AOAH: variants seen among roughly 807,000 people sequenced by gnomAD.
The protein encoded by AOAH is acyloxyacyl hydrolase.
A neutral mutation model predicts 92.2 loss-of-function variants in AOAH; 64 were observed. That is an observed-to-expected ratio of 0.69 (90% CI 0.57 to 0.86). The LOEUF (loss-of-function observed/expected upper bound fraction) is 0.86. Ranked by LOEUF, AOAH falls within the 40% of genes least tolerant of loss-of-function variation. The pLI is 0.00. For missense variants in AOAH, 656 were observed against 694.6 expected (o/e 0.94, Z 0.62); for synonymous variants, 263 against 254.5 (o/e 1.03, Z -0.32).
intron 13 of AOAH, among the ~76,000 whole-genome samples, chr7:36,564,286 C>T (rs1003999198): frequency 6.6e-6 from 1 of 152,186 alleles, no homozygotes; most frequent in Non-Finnish European, 1.5e-5. Flanking sequence ...TGTCCAGAGG[C>T]CTCAACTTGC....
chr7:36,660,782 C>T (rs995559965), intron 3 of AOAH, among the ~76,000 whole-genome samples: 34 of 152,090 alleles, frequency 2.2e-4, no homozygotes, highest in African/African-American at 8.0e-4. Context: ...ACTCTTCTTA[C>T]CAAGAAAAGT....
chr7:36,720,565 CTA>C (rs1799556539), intron 1 of AOAH, among the ~76,000 whole-genome samples: 1 of 152,204 alleles, frequency 6.6e-6, no homozygotes, highest in Admixed American at 6.5e-5. Context: ...TGCTTCCAAG[CTA>C]TGAGCCTCTG....
intron 11 of AOAH, chr7:36,600,117 A>G (rs182647780): frequency 2.6e-5 from 4 of 152,340 alleles, no homozygotes; most frequent in Admixed American, 6.5e-5. Flanking sequence ...AAGAGAACTA[A>G]TGCGGGGTTC....
intron 11 of AOAH, among the ~76,000 whole-genome samples, chr7:36,601,431 T>C (rs968498767): frequency 6.6e-6 from 1 of 151,856 alleles, no homozygotes; most frequent in African/African-American, 2.4e-5. Context: ...GGGCACTCTG[T>C]TGGACTCCAT....
intron 2 of AOAH, among the ~76,000 whole-genome samples, chr7:36,685,164 T>A (rs1048226292): frequency 6.6e-6 from 1 of 151,992 alleles, no homozygotes; most frequent in Admixed American, 6.6e-5. Context: ...CCATCCAGAC[T>A]GTGGGAAACT....
intron 13 of AOAH, among the ~76,000 whole-genome samples, chr7:36,566,792 G>A (rs1368582771): frequency 3.3e-5 from 5 of 152,064 alleles, no homozygotes; most frequent in South Asian, 4.1e-4. Flanking sequence ...AATGCCTCAC[G>A]TAAGCATGCG....
rs939648043 is a variant in AOAH, at chr7:36,516,623, T to C, written c.1600-3243A>G. Among the ~76,000 whole-genome samples, 2 of 152,222 alleles carry C rather than the reference T, an allele frequency of 1.3e-5. No homozygotes were observed. The highest frequency in any genetic ancestry group is 1.5e-5 in the Non-Finnish European group (1 of 68,032). ...TCTCTCACACAAAGTGATCAGGACC[T>C]TTGAAGACAGAGGCCCGGGCTTGTG... On this transcript the variant is annotated intron_variant, in intron 20 of 20. Transcript: ENST00000617537. This position sits in a 1 kb window ranked among gnomAD's most constrained non-coding sequence, Gnocchi z 5.0.
chr7:36,655,083 C>G (rs1310979713), intron 4 of AOAH, among the ~76,000 whole-genome samples: 1 of 152,178 alleles, frequency 6.6e-6, no homozygotes, highest in Non-Finnish European at 1.5e-5. Flanking sequence ...GTGGAGAGAA[C>G]AAAGACAGAC....
Position 36,686,680 on chromosome 7 carries a change from T to C in AOAH, c.223+19A>G. 1 of 1,464,248 alleles carries C rather than the reference T, an allele frequency of 6.8e-7. No individual in the cohort carries two copies. The highest frequency in any genetic ancestry group is 9.1e-7 in the Non-Finnish European group (1 of 1,093,822). The allele number at this position is 1,464,248 out of a possible 1,614,324, so 90.7% of individuals were successfully genotyped here. A position where few individuals can be genotyped will look rare whatever the true frequency, so the allele number is the denominator to read the frequency against. Reference sequence around the variant, plus strand: ...GAGGACAAGCAGACCCTCAGCAGTATGACTCGTCCCATATTTACCAGGCAG... The same window carrying C: ...GAGGACAAGCAGACCCTCAGCAGTACGACTCGTCCCATATTTACCAGGCAG... On this transcript the variant is annotated intron_variant, in intron 2 of 20. Transcript: ENST00000617537.
intron 6 of AOAH, among the ~76,000 whole-genome samples, chr7:36,624,894 C>T (rs1222512969): frequency 6.6e-6 from 1 of 152,226 alleles, no homozygotes; most frequent in Admixed American, 6.5e-5. Context: ...TTGCCTCCTG[C>T]AGTCCTCATA....
intron 2 of AOAH, among the ~76,000 whole-genome samples, chr7:36,675,597 T>C (rs933754504): frequency 6.6e-6 from 1 of 152,220 alleles, no homozygotes; most frequent in Admixed American, 6.5e-5. Flanking sequence ...TAACAATTTA[T>C]CAAGAATTCT....
At position 36,700,072 on chromosome 7, in the gene AOAH, T is replaced by C. The variant is rs113375179; in HGVS notation, c.128-13278A>G. 3.0e-3 allele frequency among the ~76,000 whole-genome samples: 463 copies of C among 152,232 alleles called. 1 individual carries two copies. The highest frequency in any genetic ancestry group is 0.011 in the African/African-American group (445 of 41,576). On this transcript the variant is annotated intron_variant, in intron 1 of 20. Transcript: ENST00000617537. ...GAGACTGTTCTTTCCCGGTTGTATGTTCCCGGTGTCTTTGTCAAAAAATGG... is the reference window on the plus strand; with the variant it reads ...GAGACTGTTCTTTCCCGGTTGTATGCTCCCGGTGTCTTTGTCAAAAAATGG...
At chr7:36,644,702 A>C (rs1453363627) in intron 4 of AOAH, among the ~76,000 whole-genome samples, 1 of 152,220 alleles carries the variant, frequency 6.6e-6, no homozygotes, top group African/African-American at 2.4e-5. Flanking sequence ...TAGTGCTTTT[A>C]GGCATGAGTT....
At chr7:36,686,148 C>T (rs969597095) in intron 2 of AOAH, among the ~76,000 whole-genome samples, 1 of 152,282 alleles carries the variant, frequency 6.6e-6, no homozygotes, top group Admixed American at 6.5e-5. Flanking sequence ...ATGCAACTTG[C>T]TTGAACCACC....
In AOAH at chr7:36,515,751, A is replaced by G. The variant is rs537649685; in HGVS notation, c.1600-2371T>C. 4.9e-5 allele frequency among the ~76,000 whole-genome samples: 5 copies of G among 102,200 alleles called. No individual in the cohort carries two copies. In the East Asian group the frequency reaches 1.7e-3, roughly 34 times the overall value. The allele number at this position is 102,200 out of a possible 152,430, so 67.0% of individuals were successfully genotyped here. ...ACACCACACACACACCACACACCAC[A>G]CCCTTCACAACCCCGCACCTCACAC... is the stretch of plus-strand genomic sequence containing the variant. On this transcript the variant is annotated intron_variant, in intron 20 of 20. Coordinates refer to ENST00000617537, the MANE Select transcript of AOAH (RefSeq NM_001637.4).
intron 6 of AOAH, among the ~76,000 whole-genome samples, chr7:36,627,965 T>C (rs1331282013): frequency 6.6e-6 from 1 of 152,178 alleles, no homozygotes; most frequent in African/African-American, 2.4e-5. Context: ...CATGTGTGCC[T>C]GCCTCACATG....
intron 13 of AOAH, among the ~76,000 whole-genome samples, chr7:36,558,634 C>G (rs575280017): frequency 5.9e-5 from 9 of 152,274 alleles, no homozygotes; most frequent in Admixed American, 4.6e-4. Context: ...CCACCCAGTT[C>G]GAGCTTCCCA....
At chr7:36,691,646 G>A (rs1241053025) in intron 1 of AOAH, among the ~76,000 whole-genome samples, 1 of 152,154 alleles carries the variant, frequency 6.6e-6, no homozygotes. Flanking sequence ...GGTGCATTTG[G>A]TAGGATTTTG....
intron 2 of AOAH, among the ~76,000 whole-genome samples, chr7:36,683,078 A>G (rs1461557691): frequency 6.6e-6 from 1 of 152,224 alleles, no homozygotes; most frequent in Non-Finnish European, 1.5e-5. Context: ...AAATCTTCTG[A>G]ACTTCAAAGT....
Sources: allele counts gnomAD v4.1 joint callset (sites outside exome capture counted in the v4.1 genomes callset), GRCh38; gene constraint gnomAD v4.1.1; non-coding constraint Gnocchi (gnomAD v3.1); transcripts MANE v1.5; gene names NCBI Gene and HGNC (gene_info 2026-07-23, HGNC 2026-07-21).